The following KCNT1 variants were observed in gnomAD, a reference collection of about 807,000 sequenced individuals.
The protein encoded by KCNT1 is potassium sodium-activated channel subfamily T member 1, also known as potassium channel subfamily T member 1.
KCNT1 carries 78 observed loss-of-function variants against 147.8 expected under a neutral mutation model. The observed-to-expected ratio is 0.53, with a 90% CI of 0.44 to 0.64. The LOEUF is 0.64. KCNT1 is among the 30% of genes least tolerant of loss of function. The pLI, the probability that KCNT1 is intolerant of heterozygous loss-of-function variation, is 0.00. For missense variants in KCNT1, 1,419 were observed against 1,750.3 expected (o/e 0.81, Z 3.38); for synonymous variants, 867 against 748.8 (o/e 1.16, Z -2.58).
chr9:135,787,892 G>A (rs1358099850), intron 29 of KCNT1, among the ~76,000 whole-genome samples: 7 of 152,202 alleles, frequency 4.6e-5, no homozygotes, highest in African/African-American at 1.4e-4. Context: ...CACCCCCAGA[G>A]CTGGTGCCTG....
chr9:135,757,544 A>G (rs1220505585), intron 9 of KCNT1, among the ~76,000 whole-genome samples, 163 bp downstream of exon 9: 4 of 152,180 alleles, frequency 2.6e-5, no homozygotes, highest in Non-Finnish European at 5.9e-5. Flanking sequence ...TGCTCCTGGA[A>G]AACATCCAAG....
intron 2 of KCNT1, among the ~76,000 whole-genome samples, chr9:135,729,191 A>G (rs1374031432): frequency 6.6e-6 from 1 of 152,204 alleles, no homozygotes; most frequent in Non-Finnish European, 1.5e-5. Flanking sequence ...GGCTGCGTCT[A>G]CTCACACGTG....
At chr9:135,727,571 T>C (rs570291767) in intron 2 of KCNT1, among the ~76,000 whole-genome samples, 1 of 152,106 alleles carries the variant, frequency 6.6e-6, no homozygotes, top group Admixed American at 6.5e-5. Context: ...AGCCCAGCCG[T>C]GTGTCACCTT....
At chr9:135,733,954 T>TC (rs1442718482) in intron 2 of KCNT1, among the ~76,000 whole-genome samples, 4 of 125,188 alleles carry the variant, frequency 3.2e-5, no homozygotes, top group Admixed American at 1.7e-4. Context: ...GCGCTGTCCC[T>TC]CCCCCCTAGT....
intron 28 of KCNT1, chr9:135,785,743 T>C: frequency 2.2e-6 from 1 of 444,962 alleles, no homozygotes; most frequent in South Asian, 2.3e-5. Flanking sequence ...CACCCCACGT[T>C]CCCCAGGTTC....
At position 135,703,606 on chromosome 9, in the gene KCNT1, G is replaced by A. The variant is rs955810014; in HGVS notation, c.110+1238G>A. 2.0e-5 allele frequency among the ~76,000 whole-genome samples: 3 copies of A among 152,318 alleles called. No homozygotes were observed. The South Asian group carries it at 6.2e-4, about 32-fold the overall frequency. On this transcript the variant is annotated intron_variant, in intron 1 of 30. Coordinates refer to ENST00000371757, the MANE Select transcript of KCNT1 (RefSeq NM_020822.3). Reference sequence around the variant, plus strand: ...ACGTGCTCTGAGGGACTATCCGGGGGATGCCTGTCAGGCACAGAGAAAATG... The same window carrying A: ...ACGTGCTCTGAGGGACTATCCGGGGAATGCCTGTCAGGCACAGAGAAAATG...
chr9:135,726,875 TTC>T (rs1170190443), intron 2 of KCNT1, among the ~76,000 whole-genome samples: 5 of 34,742 alleles, frequency 1.4e-4, no homozygotes, highest in African/African-American at 3.5e-4. Flanking sequence ...CTCTTTCCCA[TTC>T]TCTCTCTCCC....
chr9:135,790,899 T>C (rs1487866544), intron 29 of KCNT1: 1 of 152,254 alleles, frequency 6.6e-6, no homozygotes, highest in East Asian at 1.9e-4. Context: ...GCTGGGATGG[T>C]GGCCTCTCCC....
chr9:135,768,666 C>A lies in KCNT1; in HGVS notation c.1394C>A (p.Thr465Lys), dbSNP rs539139475. The A allele has an allele frequency of 6.5e-7, 1 of 1,550,156 alleles. No homozygotes were observed. The highest frequency in any genetic ancestry group is 8.7e-7 in the Non-Finnish European group (1 of 1,146,664). ...AGCAGCAGGAACGAGGTGGACCGCA[C>A]GGCTGCAGTGAGTGAGGCTGAGGCC... ...ILSSRNEVDR[T>K]AADHQTILRA... The change falls in exon 14 of 31, where the codon ACG becomes AAG. Residue 465 changes from threonine (T) to lysine (K), a missense_variant. Thr to Lys is a moderately conservative substitution (Grantham distance 78). Coordinates refer to ENST00000371757, the MANE Select transcript of KCNT1 (RefSeq NM_020822.3).
intron 29 of KCNT1, among the ~76,000 whole-genome samples, chr9:135,787,619 G>T (rs1834166904): frequency 6.6e-6 from 1 of 152,218 alleles, no homozygotes; most frequent in South Asian, 2.1e-4. Flanking sequence ...GGGCTGGCCT[G>T]CGGGCCCGAA....
chr9:135,732,026 A>AGGGG (rs751933481), intron 2 of KCNT1, among the ~76,000 whole-genome samples: 18,653 of 131,766 alleles, frequency 0.14, 2,452 homozygotes, highest in South Asian at 0.18. Flanking sequence ...AGAGAGAGAG[A>AGGGG]GAGAGAGAGA....
chr9:135,746,498 G>A (rs192366706), intron 2 of KCNT1, among the ~76,000 whole-genome samples: 16 of 152,338 alleles, frequency 1.1e-4, no homozygotes, highest in East Asian at 9.6e-4. Flanking sequence ...TTGGCTGTCC[G>A]GAAGCCAGTG....
intron 2 of KCNT1, among the ~76,000 whole-genome samples, chr9:135,731,951 A>T: frequency 9.7e-6 from 1 of 102,820 alleles, no homozygotes; most frequent in Non-Finnish European, 2.0e-5. Context: ...ATACTTTTCA[A>T]ATATGCGTGT....
intron 2 of KCNT1, among the ~76,000 whole-genome samples, chr9:135,737,756 C>T (rs575401468): frequency 4.7e-4 from 71 of 152,296 alleles, no homozygotes; most frequent in African/African-American, 1.6e-3. Flanking sequence ...TCCCTTACCC[C>T]TCCTACCTGG....
intron 2 of KCNT1, among the ~76,000 whole-genome samples, chr9:135,724,725 C>A (rs929797813): frequency 4.6e-5 from 7 of 152,236 alleles, no homozygotes; most frequent in Non-Finnish European, 4.4e-5. Context: ...GAAACCTCAC[C>A]AGGTGTGTCA....
At chr9:135,737,273 C>T (rs1348097435) in intron 2 of KCNT1, among the ~76,000 whole-genome samples, 1 of 152,152 alleles carries the variant, frequency 6.6e-6, no homozygotes. Context: ...GTGTCTGGTG[C>T]TTGTGGCAGG....
In KCNT1 at chr9:135,702,256, C is replaced by T. The variant is rs548003674; in HGVS notation, c.-3C>T. The T allele has an allele frequency of 1.9e-6, 3 of 1,606,166 alleles. No homozygotes were observed. The South Asian group carries it at 3.3e-5, about 18-fold the overall frequency. ...TCGGGTCGGGTCCGAGCTGCCAGGCCGCATGCCACTCCCTGACGGGGCGCG... is the reference window on the plus strand; with the variant it reads ...TCGGGTCGGGTCCGAGCTGCCAGGCTGCATGCCACTCCCTGACGGGGCGCG... On this transcript the variant is annotated 5_prime_UTR_variant, in exon 1 of 31. Coordinates refer to ENST00000371757, the MANE Select transcript of KCNT1 (RefSeq NM_020822.3).
In KCNT1 at chr9:135,764,937, T is replaced by C. The variant is rs55816769; in HGVS notation, c.1036-94T>C. ...CCCGGCCGGCCCTGCCCCAGGCCCCTAACAGACAGTCGTGTGTCAGGGCCC... is the reference window on the plus strand; with the variant it reads ...CCCGGCCGGCCCTGCCCCAGGCCCCCAACAGACAGTCGTGTGTCAGGGCCC... On this transcript the variant is annotated intron_variant, in intron 11 of 30. Coordinates refer to ENST00000371757, the MANE Select transcript of KCNT1 (RefSeq NM_020822.3). 0.23 allele frequency: 327,046 copies of C among 1,421,798 alleles called. 39,214 individuals are homozygous for C. The highest frequency in any genetic ancestry group is 0.32 in the Middle Eastern group (1,746 of 5,402). The allele number at this position is 1,421,798 out of a possible 1,614,324, so 88.1% of individuals were successfully genotyped here.
rs140093108 is a variant in KCNT1, at chr9:135,745,382, G to A, written c.255-4716G>A. Among the ~76,000 whole-genome samples, 1,025 of 152,224 alleles carry A rather than the reference G, an allele frequency of 6.7e-3. 18 individuals are homozygous for A. The highest frequency in any genetic ancestry group is 0.024 in the African/African-American group (986 of 41,544). The stretch of plus-strand genomic sequence containing the variant: ...CGGGTCCCCTGCTTTCCCACCGGCC[G>A]GGCCCTGACAGGAAGCGGAGAGTGT... On this transcript the variant is annotated intron_variant, in intron 2 of 30. Coordinates refer to ENST00000371757, the MANE Select transcript of KCNT1 (RefSeq NM_020822.3).
Sources: allele counts gnomAD v4.1 joint callset (sites outside exome capture counted in the v4.1 genomes callset), GRCh38; gene constraint gnomAD v4.1.1; transcripts MANE v1.5; gene names NCBI Gene and HGNC (gene_info 2026-07-23, HGNC 2026-07-21).